The following DTNA variants were observed in gnomAD, a reference collection of about 807,000 sequenced individuals.
DTNA encodes dystrophin-related protein 3.
Under a neutral mutation model 100.7 loss-of-function variants are expected in DTNA, and 43 were observed. The observed-to-expected ratio is 0.43, with a 90% CI of 0.33 to 0.55. The LOEUF (loss-of-function observed/expected upper bound fraction) is 0.55, where lower values mean the gene tolerates loss of function less well. DTNA is among the 20% of genes least tolerant of loss of function. DTNA has a pLI of 0.04. For synonymous variants in DTNA, 349 were observed against 347.9 expected, an observed-to-expected ratio of 1.00 and a Z score of -0.04; for missense variants, 798 against 953.9, an observed-to-expected ratio of 0.84 and a Z score of 2.15.
intron 1 of DTNA, chr18:34,574,087 T>C (rs1252141334): frequency 1.3e-5 from 2 of 152,450 alleles, no homozygotes; most frequent in Non-Finnish European, 2.9e-5. Flanking sequence ...GTGAAGTGGA[T>C]GTTACATACA....
chr18:34,617,799 A>C (rs2055622191), intron 1 of DTNA, among the ~76,000 whole-genome samples: 2 of 152,166 alleles, frequency 1.3e-5, no homozygotes, highest in Non-Finnish European at 2.9e-5. Context: ...GCTATTGCAC[A>C]CTTAAAAGAC....
chr18:34,666,964 T>G (rs1329597318), intron 1 of DTNA, among the ~76,000 whole-genome samples: 1 of 152,184 alleles, frequency 6.6e-6, no homozygotes, highest in East Asian at 1.9e-4. Context: ...GTGAAGAAAG[T>G]CATTGGTAGC....
chr18:34,775,378 C>T (rs548039663), intron 3 of DTNA, among the ~76,000 whole-genome samples: 26 of 152,046 alleles, frequency 1.7e-4, no homozygotes, highest in Non-Finnish European at 2.9e-4. Context: ...CCCAGCTACT[C>T]AGGAGGCTGA....
intron 1 of DTNA, among the ~76,000 whole-genome samples, chr18:34,518,042 C>G (rs931749671): frequency 2.0e-5 from 3 of 152,122 alleles, no homozygotes; most frequent in Non-Finnish European, 2.9e-5. Context: ...AGTTTACATT[C>G]CCATAAACAA....
chr18:34,543,589 G>A (rs979070433), intron 1 of DTNA, among the ~76,000 whole-genome samples: 1 of 152,006 alleles, frequency 6.6e-6, no homozygotes, highest in Non-Finnish European at 1.5e-5. Flanking sequence ...ACTGCCTGTT[G>A]CCCCATGCTG....
intron 3 of DTNA, among the ~76,000 whole-genome samples, chr18:34,790,256 G>A (rs1330676485): frequency 6.6e-6 from 1 of 152,082 alleles, no homozygotes; most frequent in Non-Finnish European, 1.5e-5. Flanking sequence ...AACGCAGAAT[G>A]GGAAACAGAC....
chr18:34,628,203 C>A (rs2057595224), intron 1 of DTNA, among the ~76,000 whole-genome samples: 1 of 152,188 alleles, frequency 6.6e-6, no homozygotes, highest in East Asian at 1.9e-4. Context: ...TTCATGAAGA[C>A]CACTTAAAAT....
intron 1 of DTNA, among the ~76,000 whole-genome samples, chr18:34,601,301 A>G (rs1318529308): frequency 1.3e-5 from 2 of 152,202 alleles, no homozygotes; most frequent in East Asian, 1.9e-4. Flanking sequence ...GGTAACTTCT[A>G]GGTCACTGGT....
intron 1 of DTNA, among the ~76,000 whole-genome samples, chr18:34,540,726 T>A (rs2145728684): frequency 6.6e-6 from 1 of 152,212 alleles, no homozygotes; most frequent in African/African-American, 2.4e-5. Flanking sequence ...AAAATCTAGA[T>A]TATTTAGGCA....
chr18:34,860,165 G>A (rs2096601347), intron 16 of DTNA, among the ~76,000 whole-genome samples: 1 of 149,410 alleles, frequency 6.7e-6, no homozygotes, highest in Non-Finnish European at 1.5e-5. Flanking sequence ...CTCTGCCTCA[G>A]CCTCCGGAGT....
At chr18:34,494,664 C>T (rs1288127400) in intron 1 of DTNA, among the ~76,000 whole-genome samples, 1 of 151,544 alleles carries the variant, frequency 6.6e-6, no homozygotes, top group Non-Finnish European at 1.5e-5. Context: ...GTGAGGGGCG[C>T]AGGGGGAGGG....
At chr18:34,877,084 A>T (rs1257580649) in intron 18 of DTNA, among the ~76,000 whole-genome samples, 1 of 152,220 alleles carries the variant, frequency 6.6e-6, no homozygotes, top group Admixed American at 6.5e-5. Context: ...GTTCCAATTT[A>T]TAGTACCAGA....
chr18:34,496,205 AACACACACAC>A (rs367764683), intron 1 of DTNA, among the ~76,000 whole-genome samples: 8 of 138,498 alleles, frequency 5.8e-5, no homozygotes, highest in East Asian at 2.2e-4. Flanking sequence ...CCCTCCCTGC[AACACACACAC>A]ACACACACAC....
chr18:34,760,909 C>A (rs2093111169), intron 2 of DTNA, among the ~76,000 whole-genome samples: 1 of 152,140 alleles, frequency 6.6e-6, no homozygotes. Context: ...CTTACTTGGA[C>A]ATCTTACAAG....
At chr18:34,637,191 A>G (rs1049961860) in intron 1 of DTNA, among the ~76,000 whole-genome samples, 2 of 152,240 alleles carry the variant, frequency 1.3e-5, no homozygotes, top group African/African-American at 4.8e-5. Flanking sequence ...GCCAAGAGCA[A>G]AGAAACTAGG....
At chr18:34,711,989 A>G (rs1021762649) in intron 1 of DTNA, among the ~76,000 whole-genome samples, 1 of 152,150 alleles carries the variant, frequency 6.6e-6, no homozygotes, top group Non-Finnish European at 1.5e-5. Flanking sequence ...AGATATTTTC[A>G]TAAACATAAG....
At chr18:34,879,496 A>G in intron 19 of DTNA, 55 bp from the exon 20 acceptor site, 1 of 1,581,874 alleles carries the variant, frequency 6.3e-7, no homozygotes, top group Non-Finnish European at 8.7e-7. Context: ...CTTTATTTGC[A>G]GGTCATAAAA....
At chr18:34,878,272 AT>A (rs1195625968) in intron 19 of DTNA, among the ~76,000 whole-genome samples, 2 of 152,024 alleles carry the variant, frequency 1.3e-5, no homozygotes, top group Admixed American at 6.6e-5. Flanking sequence ...GCCTATTCAG[AT>A]TTTTTAAGTA....
intron 1 of DTNA, among the ~76,000 whole-genome samples, chr18:34,587,464 A>G (rs2049259878): frequency 6.6e-6 from 1 of 152,086 alleles, no homozygotes; most frequent in South Asian, 2.1e-4. Flanking sequence ...ATTTCTCAAT[A>G]TAAAATAATT....
Sources: allele counts gnomAD v4.1 joint callset (sites outside exome capture counted in the v4.1 genomes callset), GRCh38; gene constraint gnomAD v4.1.1; transcripts MANE v1.5; gene names NCBI Gene and HGNC (gene_info 2026-07-23, HGNC 2026-07-21).